R3HDM1: variants seen among roughly 807,000 people sequenced by gnomAD.
The protein encoded by R3HDM1 is R3H domain-containing protein 1.
R3HDM1 carries 46 observed loss-of-function variants against 141.1 expected under a neutral mutation model. The ratio of observed to expected loss-of-function variants is 0.33; its 90% confidence interval spans 0.26 to 0.42. The LOEUF (loss-of-function observed/expected upper bound fraction) is 0.42. R3HDM1 is among the 10% of genes least tolerant of loss of function. R3HDM1 has a pLI of 1.00. For missense variants in R3HDM1, 1,184 were observed against 1,368.3 expected (o/e 0.87, Z 2.12); for synonymous variants, 435 against 472.9 (o/e 0.92, Z 1.04).
At chr2:135,585,824 G>A (rs978055913) in intron 1 of R3HDM1, among the ~76,000 whole-genome samples, 1 of 152,138 alleles carries the variant, frequency 6.6e-6, no homozygotes, top group African/African-American at 2.4e-5. Context: ...GCCAGAATAA[G>A]CAAGCTTCTT....
chr2:135,584,477 A>G (rs1707440981), intron 1 of R3HDM1: 3 of 751,554 alleles, frequency 4.0e-6, no homozygotes, highest in Non-Finnish European at 4.9e-6. Context: ...TAACATTTGT[A>G]AGGTAGAGAC....
chr2:135,595,368 T>G (rs1710403664), intron 1 of R3HDM1, among the ~76,000 whole-genome samples: 1 of 152,210 alleles, frequency 6.6e-6, no homozygotes, highest in Non-Finnish European at 1.5e-5. Flanking sequence ...TGCTATTATA[T>G]TAATCTATTC....
chr2:135,622,179 A>G (rs1201244026), intron 6 of R3HDM1: 17 of 984,914 alleles, frequency 1.7e-5, no homozygotes, highest in Non-Finnish European at 1.9e-5. Flanking sequence ...GCCTGTAGTA[A>G]TAGACCTGAC....
At chr2:135,658,415 C>G (rs2066212352) in intron 18 of R3HDM1, among the ~76,000 whole-genome samples, 1 of 152,188 alleles carries the variant, frequency 6.6e-6, no homozygotes, top group Admixed American at 6.5e-5. Context: ...ATCTGCCCGC[C>G]TCAGCCTTCA....
At chr2:135,554,973 C>G (rs1008128775) in intron 1 of R3HDM1, among the ~76,000 whole-genome samples, 1 of 152,140 alleles carries the variant, frequency 6.6e-6, no homozygotes, top group Admixed American at 6.6e-5. Context: ...GTTTTGATGA[C>G]ACACACTCCT....
At chr2:135,635,852 C>A (rs761933342) in intron 9 of R3HDM1, 38 bp from the exon 10 acceptor site, 1 of 1,544,110 alleles carries the variant, frequency 6.5e-7, no homozygotes, top group Non-Finnish European at 8.7e-7. Flanking sequence ...TGTTCATTAT[C>A]TTTTCCTGTT....
chr2:135,606,424 A>G (rs2060053858), intron 3 of R3HDM1: 1 of 152,168 alleles, frequency 6.6e-6, no homozygotes, highest in Non-Finnish European at 1.5e-5. Context: ...CCTACCTCTC[A>G]GTAGGAAAGA....
At chr2:135,569,698 T>G (rs1269486021) in intron 1 of R3HDM1, among the ~76,000 whole-genome samples, 3 of 151,378 alleles carry the variant, frequency 2.0e-5, no homozygotes, top group Non-Finnish European at 4.4e-5. Context: ...GCTTAGAACA[T>G]ACCTTTCATA....
At chr2:135,535,395 A>G (rs955612033) in intron 1 of R3HDM1, among the ~76,000 whole-genome samples, 1 of 152,012 alleles carries the variant, frequency 6.6e-6, no homozygotes, top group African/African-American at 2.4e-5. Context: ...GCTACTCGGG[A>G]GGCTGAGGCA....
chr2:135,621,209 A>G (rs2061485478), intron 5 of R3HDM1, among the ~76,000 whole-genome samples: 1 of 152,062 alleles, frequency 6.6e-6, no homozygotes. Flanking sequence ...GGATTTTACA[A>G]GTTGATGCAC....
chr2:135,623,693 A>G (rs1316395567), intron 7 of R3HDM1, among the ~76,000 whole-genome samples: 2 of 152,136 alleles, frequency 1.3e-5, no homozygotes, highest in East Asian at 1.9e-4. Context: ...CCCAACAGAA[A>G]GATAAATTTA....
Position 135,669,893 on chromosome 2 carries a change from C to T in R3HDM1, c.2153-5439C>T, listed in dbSNP as rs144939181. 3.0e-3 allele frequency among the ~76,000 whole-genome samples: 457 copies of T among 152,254 alleles called. 3 individuals are homozygous for T. Among genetic ancestry groups the T allele is most frequent in the African/African-American group, 0.01 (426 of 41,558 alleles). ...GTGGCTCACCCCTGTAATCCCAGCA[C>T]TTCGGGAGACTGAGGTGGTCCAATC... On this transcript the variant is annotated intron_variant, in intron 19 of 26. Coordinates refer to ENST00000683871, the MANE Select transcript of R3HDM1 (RefSeq NM_001378107.1).
chr2:135,549,828 A>G, intron 1 of R3HDM1: 1 of 369,790 alleles, frequency 2.7e-6, no homozygotes, highest in Non-Finnish European at 3.7e-6. Context: ...AGAGACAAAC[A>G]TTGTGAATAG....
At chr2:135,709,402 T>A (rs1363945573) in intron 21 of R3HDM1, 31 bp from the exon 22 acceptor site, 1 of 1,612,826 alleles carries the variant, frequency 6.2e-7, no homozygotes, top group East Asian at 2.2e-5. Context: ...CATCCTCCTC[T>A]CATTATGCTG....
intron 1 of R3HDM1, chr2:135,590,749 G>A (rs1372386752): frequency 2.0e-6 from 2 of 984,338 alleles, no homozygotes; most frequent in African/African-American, 1.7e-5. Flanking sequence ...CTGTAAAATT[G>A]TTTGCACTTT....
chr2:135,546,277 G>A (rs773147455), intron 1 of R3HDM1, among the ~76,000 whole-genome samples: 2 of 151,994 alleles, frequency 1.3e-5, no homozygotes, highest in Non-Finnish European at 2.9e-5. Flanking sequence ...AGAGGAAATC[G>A]ACCTGGTCCC....
At chr2:135,654,979 A>C (rs749679188) in intron 18 of R3HDM1, among the ~76,000 whole-genome samples, 2 of 151,368 alleles carry the variant, frequency 1.3e-5, no homozygotes, top group African/African-American at 2.4e-5. Flanking sequence ...GTGATATGCA[A>C]TTATTTTCAC....
At chr2:135,541,160 TA>T (rs1330239102) in intron 1 of R3HDM1, among the ~76,000 whole-genome samples, 1 of 152,152 alleles carries the variant, frequency 6.6e-6, no homozygotes, top group African/African-American at 2.4e-5. Context: ...TTCAGAAGGT[TA>T]AATGAGCGCT....
At chr2:135,603,755 C>T (rs1274099796) in intron 2 of R3HDM1, among the ~76,000 whole-genome samples, 1 of 152,134 alleles carries the variant, frequency 6.6e-6, no homozygotes, top group African/African-American at 2.4e-5. Flanking sequence ...TATAGGCATG[C>T]ACCACCATGC....
Sources: allele counts gnomAD v4.1 joint callset (sites outside exome capture counted in the v4.1 genomes callset), GRCh38; gene constraint gnomAD v4.1.1; transcripts MANE v1.5; gene names NCBI Gene and HGNC (gene_info 2026-07-23, HGNC 2026-07-21).